Variants in STK31 observed in about 807,000 individuals in gnomAD.
STK31 encodes serine/threonine kinase 31.
Under a neutral mutation model 129.7 loss-of-function variants are expected in STK31, and 89 were observed. The ratio of observed to expected loss-of-function variants is 0.69; its 90% CI spans 0.58 to 0.82. The LOEUF (loss-of-function observed/expected upper bound fraction) is 0.82, where lower values mean the gene tolerates loss of function less well. Among genes scored for constraint, STK31 ranks in the 40% least tolerant of loss-of-function variants. The probability of loss-of-function intolerance (pLI) is 0.00; values close to 1 mark genes in which losing one functional copy is unlikely to be tolerated. For missense variants in STK31, 1,187 were observed against 1,176.4 expected, an observed-to-expected ratio of 1.01 and a Z score of -0.13; for synonymous variants, 448 against 395.3, an observed-to-expected ratio of 1.13 and a Z score of -1.58.
intron 8 of STK31, among the ~76,000 whole-genome samples, chr7:23,750,067 T>TCCCCCCTCCCCC (rs1788613932): frequency 2.2e-5 from 2 of 90,556 alleles, no homozygotes; most frequent in Non-Finnish European, 4.7e-5. Context: ...ATGGTTTGTT[T>TCCCCCCTCCCCC]CCCCCCCCGC....
At chr7:23,746,500 T>C (rs1171759485) in intron 8 of STK31, among the ~76,000 whole-genome samples, 1 of 152,232 alleles carries the variant, frequency 6.6e-6, no homozygotes, top group African/African-American at 2.4e-5. Flanking sequence ...CTATTTTGGC[T>C]CTTTTCTCAG....
At chr7:23,736,311 C>G (rs767342184) in intron 7 of STK31, among the ~76,000 whole-genome samples, 2 of 152,104 alleles carry the variant, frequency 1.3e-5, no homozygotes, top group African/African-American at 2.4e-5. Context: ...GAGGCTCTTT[C>G]TTCTTCTTGT....
At chr7:23,807,096 G>GGTTTTT (rs1281512381) in intron 22 of STK31, among the ~76,000 whole-genome samples, 14 of 151,766 alleles carry the variant, frequency 9.2e-5, no homozygotes, top group Non-Finnish European at 5.9e-5. Flanking sequence ...CACCTTTCAA[G>GGTTTTT]GTTTTTGTTT....
At chr7:23,769,253 A>G (rs1790029173) in intron 12 of STK31, 79 bp downstream of exon 12, 2 of 1,315,192 alleles carry the variant, frequency 1.5e-6, no homozygotes, top group Admixed American at 3.0e-5. Flanking sequence ...GCTTTGTTCA[A>G]GAGCTGACAT....
chr7:23,787,000 T>C (rs1310218706), intron 20 of STK31, 76 bp downstream of exon 20: 1 of 1,405,204 alleles, frequency 7.1e-7, no homozygotes, highest in Non-Finnish European at 1.0e-6. Flanking sequence ...TCAGGCATAC[T>C]ACATGCTATG....
intron 22 of STK31, among the ~76,000 whole-genome samples, chr7:23,810,785 TAA>T (rs1793069056): frequency 1.6e-5 from 2 of 127,152 alleles, no homozygotes; most frequent in African/African-American, 3.2e-5. Context: ...ATATTATATA[TAA>T]ATATATAAAT....
At chr7:23,742,103 T>G (rs1237833805) in intron 8 of STK31, among the ~76,000 whole-genome samples, 1 of 152,172 alleles carries the variant, frequency 6.6e-6, no homozygotes, top group East Asian at 1.9e-4. Context: ...GGTAGCCTGG[T>G]TTCCCTGTTG....
At chr7:23,784,349 C>G (rs922231309) in intron 17 of STK31, among the ~76,000 whole-genome samples, 2 of 151,910 alleles carry the variant, frequency 1.3e-5, no homozygotes, top group African/African-American at 2.4e-5. Flanking sequence ...TGAGTTTATT[C>G]TAAAAAATAT....
In STK31 at chr7:23,788,136, T is replaced by C; in HGVS notation, c.2637+7T>C. 1 of 1,605,046 alleles carries C rather than the reference T, an allele frequency of 6.2e-7. No homozygotes were observed. Among genetic ancestry groups the C allele is most frequent in the East Asian group, 2.2e-5 (1 of 44,730 alleles). On this transcript the variant is annotated splice_region_variant and intron_variant, in intron 21 of 23. Transcript: ENST00000355870. ...TGACTTCACCAAATCTGTGGTAAGA[T>C]ATCATGGTTTTACAAATAGGTTCTA... is the stretch of plus-strand genomic sequence containing the variant.
intron 22 of STK31, among the ~76,000 whole-genome samples, chr7:23,803,774 CCTT>C (rs1314105052): frequency 4.6e-5 from 7 of 152,200 alleles, no homozygotes; most frequent in African/African-American, 1.4e-4. Flanking sequence ...TCTGTTGTTC[CCTT>C]CTTTGTGTTC....
intron 10 of STK31, among the ~76,000 whole-genome samples, chr7:23,759,902 G>T (rs1584398636): frequency 6.6e-6 from 1 of 152,142 alleles, no homozygotes; most frequent in African/African-American, 2.4e-5. Context: ...GGGACATTAG[G>T]CTTGTAAACC....
intron 7 of STK31, among the ~76,000 whole-genome samples, chr7:23,736,280 C>T (rs1188787030): frequency 1.3e-5 from 2 of 152,132 alleles, no homozygotes; most frequent in African/African-American, 4.8e-5. Flanking sequence ...AGGAAATTGC[C>T]TTTACTTTTT....
chr7:23,773,929 G>GCCCCCCCC (rs145871496), intron 15 of STK31, among the ~76,000 whole-genome samples: 2 of 148,548 alleles, frequency 1.3e-5, no homozygotes, highest in African/African-American at 5.1e-5. Flanking sequence ...CTCTCTCCCT[G>GCCCCCCCC]CCACCCCCCA....
chr7:23,779,665 G>T (rs1790786451), intron 15 of STK31, among the ~76,000 whole-genome samples: 1 of 61,986 alleles, frequency 1.6e-5, no homozygotes, highest in African/African-American at 5.7e-5. Flanking sequence ...TCAAGCCTCA[G>T]TAATGACAGA....
chr7:23,810,746 GATAT>G (rs1321110809), intron 22 of STK31, among the ~76,000 whole-genome samples: 13 of 122,330 alleles, frequency 1.1e-4, no homozygotes, highest in African/African-American at 3.8e-4. Flanking sequence ...ATATAAAATA[GATAT>G]ATATAATATA....
In STK31 at chr7:23,735,663, G is replaced by C; in HGVS notation, c.609G>C (p.Val203=). The stretch of plus-strand genomic sequence containing the variant: ...GCAGTGTGGATATAGGGGAAGAGGT[G>C]CTTAAGAAAGGATTTGCAGAGAAAT... ...EYGSVDIGEE[V]LKKGFAEKCR... is the part of the protein sequence containing the mutation. Residue 203 remains valine, a synonymous_variant, in exon 7 of 24, where the codon GTG becomes GTC. Transcript: ENST00000355870. 6.2e-7 allele frequency: 1 copy of C among 1,614,074 alleles called. No individual in the cohort carries two copies. The highest frequency in any genetic ancestry group is 8.5e-7 in the Non-Finnish European group (1 of 1,180,046).
chr7:23,793,314 A>G (rs576636308), intron 22 of STK31, among the ~76,000 whole-genome samples: 9 of 152,330 alleles, frequency 5.9e-5, no homozygotes, highest in African/African-American at 2.2e-4. Flanking sequence ...ACATAGGATG[A>G]AATATTTGAC....
At chr7:23,731,032 C>T (rs992574607) in intron 6 of STK31, among the ~76,000 whole-genome samples, 7 of 150,604 alleles carry the variant, frequency 4.6e-5, no homozygotes, top group African/African-American at 9.8e-5. Context: ...TACAGGCACC[C>T]GCCACCACGC....
chr7:23,735,604 G>A lies in STK31; in HGVS notation c.550G>A (p.Glu184Lys). The part of the protein sequence containing the change: ...EIKMRIKATS[E>K]DGTVIAQAEY... ...AAAAATGAGAATTAAAGCAACCTCTGAAGATGGAACAGTTATTGCTCAGGC... is the reference window on the plus strand; with the variant it reads ...AAAAATGAGAATTAAAGCAACCTCTAAAGATGGAACAGTTATTGCTCAGGC... The change falls in exon 7 of 24, where the codon GAA becomes AAA. Residue 184 changes from glutamate (E) to lysine (K), a missense_variant. By Grantham distance (56) the Glu-to-Lys change is moderately conservative (BLOSUM62 1). Coordinates refer to ENST00000355870, the MANE Select transcript of STK31 (RefSeq NM_031414.5). The A allele has an allele frequency of 3.7e-6, 6 of 1,613,656 alleles. No individual in the cohort carries two copies. Among genetic ancestry groups the A allele is most frequent in the South Asian group, 3.3e-5 (3 of 90,930 alleles).
Sources: allele counts gnomAD v4.1 joint callset (sites outside exome capture counted in the v4.1 genomes callset), GRCh38; gene constraint gnomAD v4.1.1; transcripts MANE v1.5; gene names NCBI Gene and HGNC (gene_info 2026-07-23, HGNC 2026-07-21).